Variants in SEC22C observed in about 807,000 individuals in gnomAD.
SEC22C encodes the protein vesicle-trafficking protein SEC22c.
SEC22C carries 29 observed loss-of-function variants against 34.7 expected under a neutral mutation model. The observed-to-expected ratio is 0.84, with a 90% CI of 0.62 to 1.14. The LOEUF (loss-of-function observed/expected upper bound fraction) is 1.14, where lower values mean the gene tolerates loss of function less well. SEC22C is among the 50% of genes most tolerant of loss of function. SEC22C has a pLI of 0.00. For synonymous variants in SEC22C, 117 were observed against 132.8 expected (o/e 0.88, Z 0.82); for missense variants, 337 against 369.0 (o/e 0.91, Z 0.71).
At position 42,569,212 on chromosome 3, in the gene SEC22C, C is replaced by G. The variant is rs143868051; in HGVS notation, c.-27-139G>C. 1,616 of 625,244 alleles carry G rather than the reference C, an allele frequency of 2.6e-3. 26 individuals are homozygous for G. In the African/African-American group the frequency reaches 0.027, roughly 10 times the overall value. 38.7% of individuals were successfully genotyped at this position (625,244 alleles called of 1,614,324 possible). On this transcript the variant is annotated intron_variant, in intron 1 of 6. Coordinates refer to ENST00000264454, the MANE Select transcript of SEC22C (RefSeq NM_032970.4). ...AAATGTTGCTTTTATTGTTATTTCC[C>G]TGGCCTCTACTGCTATATCACTCCC... is the stretch of plus-strand genomic sequence containing the variant.
chr3:42,557,556 TTA>T lies in SEC22C; in HGVS notation c.645+20_645+21del. 3 of 1,218,002 alleles carry T rather than the reference TTA, an allele frequency of 2.5e-6. No individual in the cohort carries two copies. Among genetic ancestry groups the T allele is most frequent in the Non-Finnish European group, 3.5e-6 (3 of 858,722 alleles). 75.4% of individuals were successfully genotyped at this position (1,218,002 alleles called of 1,614,324 possible). Reference sequence around the variant, plus strand: ...CATATGTCCTTCAATTTAAACTGTTTTAAAAAAAAAAAAAAGGTTACCTGTAA... The same window carrying T: ...CATATGTCCTTCAATTTAAACTGTTTAAAAAAAAAAAAAGGTTACCTGTAA... On this transcript the variant is annotated intron_variant, in intron 5 of 6. Transcript: ENST00000264454.
chr3:42,566,513 A>C (rs1703251767), intron 2 of SEC22C, among the ~76,000 whole-genome samples: 1 of 146,204 alleles, frequency 6.8e-6, no homozygotes, highest in African/African-American at 2.7e-5. Flanking sequence ...CGTCTCTACT[A>C]AAAATACAAA....
At chr3:42,593,507 C>T (rs988332538) in intron 1 of SEC22C, among the ~76,000 whole-genome samples, 4 of 152,066 alleles carry the variant, frequency 2.6e-5, no homozygotes, top group African/African-American at 7.2e-5. Flanking sequence ...GACTTGAGCT[C>T]GAGCATCCTC....
At chr3:42,596,056 A>T (rs1705019899) in intron 1 of SEC22C, among the ~76,000 whole-genome samples, 3 of 150,514 alleles carry the variant, frequency 2.0e-5, no homozygotes, top group Middle Eastern at 3.4e-3. Context: ...TTTGAGACGG[A>T]ATCTCGCTCT....
At chr3:42,590,612 A>G (rs1413984114) in intron 1 of SEC22C, among the ~76,000 whole-genome samples, 2 of 151,498 alleles carry the variant, frequency 1.3e-5, no homozygotes, top group Non-Finnish European at 2.9e-5. Flanking sequence ...TGCACAGCCT[A>G]ACACTGGAGG....
chr3:42,597,604 G>T (rs1705066485), intron 1 of SEC22C, among the ~76,000 whole-genome samples: 1 of 150,232 alleles, frequency 6.7e-6, no homozygotes, highest in Admixed American at 6.6e-5. Flanking sequence ...GGTCAGAAAT[G>T]ATCTAAGTCA....
At chr3:42,600,173 CA>C (rs1705227056) in intron 1 of SEC22C, among the ~76,000 whole-genome samples, 2 of 152,146 alleles carry the variant, frequency 1.3e-5, no homozygotes, top group South Asian at 4.1e-4. Flanking sequence ...GGTCAGTAAG[CA>C]CAGGACAAAA....
Position 42,557,619 on chromosome 3 carries a change from T to C in SEC22C, c.604A>G (p.Asn202Asp). The C allele has an allele frequency of 6.2e-7, 1 of 1,607,400 alleles. No homozygotes were observed. Among genetic ancestry groups the C allele is most frequent in the Admixed American group, 1.7e-5 (1 of 59,402 alleles). The change falls in exon 5 of 7, where the codon AAT becomes GAT. Residue 202 changes from asparagine to aspartate, a missense_variant. By Grantham distance (23) the Asn-to-Asp change is conservative (BLOSUM62 1). Transcript: ENST00000264454. ...GCAAGGTGAACTCCTCGAATGAGAT[T>C]CAGGGCAGCACACATGATGTTGAGA... ...LILNIMCAAL[N>D]LIRGVHLAEH...
Position 42,595,999 on chromosome 3 carries a change from CTTCT to C in SEC22C, c.-28+4957_-28+4960del, listed in dbSNP as rs753136067. Among the ~76,000 whole-genome samples the C allele has an allele frequency of 9.9e-5, 15 of 151,750 alleles. 1 individual carries two copies. Among genetic ancestry groups the C allele is most frequent in the Admixed American group, 5.3e-4 (8 of 15,222 alleles). ...CTCTGGCTCTTTCTTTTTTCTTTTTCTTCTTTTTTTTGGTTTTGTTTTGTTTTGT... is the reference window on the plus strand; with the variant it reads ...CTCTGGCTCTTTCTTTTTTCTTTTTCTTTTTTTGGTTTTGTTTTGTTTTGT... On this transcript the variant is annotated intron_variant, in intron 1 of 6. Transcript: ENST00000417572.
Position 42,552,879 on chromosome 3 carries a change from A to G in SEC22C, c.*369T>C. 3 of 1,039,456 alleles carry G rather than the reference A, an allele frequency of 2.9e-6. No homozygotes were observed. Among genetic ancestry groups the G allele is most frequent in the Non-Finnish European group, 3.5e-6 (3 of 864,640 alleles). The allele number at this position is 1,039,456 out of a possible 1,614,324, so 64.4% of individuals were successfully genotyped here. A position where few individuals can be genotyped will look rare whatever the true frequency, so the allele number is the denominator to read the frequency against. ...ATTTTAAAGTGGTTCCTTGGAGACA[A>G]CTCTCAATGACTAAAACCAGTGTTA... On this transcript the variant is annotated 3_prime_UTR_variant, in exon 7 of 7. Transcript: ENST00000264454.
chr3:42,554,769 G>A (rs2125695308), intron 6 of SEC22C, among the ~76,000 whole-genome samples: 1 of 152,278 alleles, frequency 6.6e-6, no homozygotes, highest in South Asian at 2.1e-4. Flanking sequence ...TAAAATCCTA[G>A]TCCATACGGA....
intron 5 of SEC22C, 128 bp from the exon 6 acceptor site, chr3:42,556,123 A>G (rs1335532314): frequency 1.6e-5 from 11 of 684,934 alleles, no homozygotes; most frequent in Non-Finnish European, 2.8e-5. Flanking sequence ...TGGGTGAGAC[A>G]CAAGTTCCTG....
chr3:42,551,351 G>C lies in SEC22C; in HGVS notation c.*1897C>G, dbSNP rs1036934809. The C allele has an allele frequency of 2.9e-5, 29 of 984,854 alleles. No individual in the cohort carries two copies. Among genetic ancestry groups the C allele is most frequent in the Non-Finnish European group, 2.5e-5 (21 of 829,642 alleles). 61.0% of individuals were successfully genotyped at this position (984,854 alleles called of 1,614,324 possible). A position where few individuals can be genotyped will look rare whatever the true frequency, so the allele number is the denominator to read the frequency against. On this transcript the variant is annotated 3_prime_UTR_variant, in exon 7 of 7. Transcript: ENST00000264454. ...GCTGCCAATATAATTTTCATATTCA[G>C]ACTTTTTAGAGACAGGGTTTCACTC...
rs1038998899 is a variant in SEC22C at position 42,549,706 on chromosome 3, T to G, written c.*3542A>C. On this transcript the variant is annotated 3_prime_UTR_variant, in exon 7 of 7. Coordinates refer to ENST00000264454, the MANE Select transcript of SEC22C (RefSeq NM_032970.4). ...TCTCATCCCTCCAGAGACTCCAGTT[T>G]CAGACTCTGTCTCCAGAGCTGGAAT... The G allele has an allele frequency of 2.0e-6, 2 of 985,510 alleles. No individual in the cohort carries two copies. Among genetic ancestry groups the G allele is most frequent in the Non-Finnish European group, 2.4e-6 (2 of 829,974 alleles). 61.0% of individuals were successfully genotyped at this position (985,510 alleles called of 1,614,324 possible). A position where few individuals can be genotyped will look rare whatever the true frequency, so the allele number is the denominator to read the frequency against.
intron 4 of SEC22C, among the ~76,000 whole-genome samples, chr3:42,560,535 A>C (rs1702838786): frequency 6.6e-6 from 1 of 151,254 alleles, no homozygotes; most frequent in African/African-American, 2.4e-5. Context: ...AAAAAGAAGA[A>C]GAAGAAGGAA....
intron 6 of SEC22C, 121 bp downstream of exon 6, chr3:42,555,809 A>G: frequency 6.3e-6 from 5 of 798,164 alleles, no homozygotes; most frequent in East Asian, 2.7e-5. Context: ...GGTATTGTCC[A>G]TGATGTGAAC....
At position 42,548,528 on chromosome 3, in the gene SEC22C, TGAG is replaced by T. The variant is rs1702093116; in HGVS notation, c.*4717_*4719del. On this transcript the variant is annotated 3_prime_UTR_variant, in exon 7 of 7. Coordinates refer to ENST00000264454, the MANE Select transcript of SEC22C (RefSeq NM_032970.4). ...CCCTTTTCCACAGGCTCCCTGCTGA[TGAG>T]ATTTCCCCAGCAGCAGAAGTTTGAC... The T allele has an allele frequency of 6.8e-7, 1 of 1,471,188 alleles. No homozygotes were observed. The highest frequency in any genetic ancestry group is 1.4e-5 in the African/African-American group (1 of 72,102). 91.1% of individuals were successfully genotyped at this position (1,471,188 alleles called of 1,614,324 possible).
intron 2 of SEC22C, among the ~76,000 whole-genome samples, chr3:42,566,287 C>T (rs1038203479): frequency 6.6e-6 from 1 of 152,190 alleles, no homozygotes; most frequent in Admixed American, 6.5e-5. Context: ...ACATTACCAC[C>T]TAGCCTGGGG....
chr3:42,568,553 C>T (rs893859631), intron 2 of SEC22C, among the ~76,000 whole-genome samples: 1 of 150,906 alleles, frequency 6.6e-6, no homozygotes, highest in African/African-American at 2.4e-5. Flanking sequence ...GGCTGAGGCA[C>T]GAGAACTGCT....
Sources: allele counts gnomAD v4.1 joint callset (sites outside exome capture counted in the v4.1 genomes callset), GRCh38; gene constraint gnomAD v4.1.1; transcripts MANE v1.5; gene names NCBI Gene and HGNC (gene_info 2026-07-23, HGNC 2026-07-21).